The following ASMTL variants were observed in gnomAD, a reference collection of about 807,000 sequenced individuals.
ASMTL encodes the protein acetylserotonin O-methyltransferase like, also known as probable bifunctional dTTP/UTP pyrophosphatase/methyltransferase protein.
ASMTL carries 57 observed loss-of-function variants against 60.3 expected under a neutral mutation model. The observed-to-expected ratio is 0.95, with a 90% CI of 0.76 to 1.18. The LOEUF (loss-of-function observed/expected upper bound fraction) is 1.18, where lower values mean the gene tolerates loss of function less well. Among genes scored for constraint, ASMTL ranks in the 50% most tolerant of loss-of-function variants. The probability of loss-of-function intolerance (pLI) is 0.00; values close to 1 mark genes in which losing one functional copy is unlikely to be tolerated. For synonymous variants in ASMTL, 419 were observed against 373.0 expected (o/e 1.12, Z -1.42); for missense variants, 981 against 852.6 (o/e 1.15, Z -1.88).
chrX:1,407,942 T>G (rs2089927703), intron 12 of ASMTL, among the ~76,000 whole-genome samples: 1 of 151,950 alleles, frequency 6.6e-6, no homozygotes, highest in East Asian at 1.9e-4. Context: ...CAGTGGCTCA[T>G]GTCTTTAACC....
chrX:1,447,251 G>C (rs1183820279), intron 1 of ASMTL, among the ~76,000 whole-genome samples: 1 of 152,192 alleles, frequency 6.6e-6, no homozygotes, highest in African/African-American at 2.4e-5. Context: ...TGGATTCACA[G>C]AGCAGGAGCA....
chrX:1,432,971 A>ATG (rs2090847081), intron 5 of ASMTL, among the ~76,000 whole-genome samples: 1 of 55,092 alleles, frequency 1.8e-5, no homozygotes, highest in Admixed American at 1.8e-4. Context: ...GGTGGCATGC[A>ATG]CCTGTCATCC....
intron 1 of ASMTL, among the ~76,000 whole-genome samples, chrX:1,449,916 C>T (rs1197222490): frequency 6.7e-6 from 1 of 149,934 alleles, no homozygotes; most frequent in Non-Finnish European, 1.5e-5. Context: ...ACTATCCCAC[C>T]ATCACCAGTA....
chrX:1,414,925 C>T (rs1226499369), intron 11 of ASMTL, among the ~76,000 whole-genome samples: 7 of 127,732 alleles, frequency 5.5e-5, no homozygotes, highest in Non-Finnish European at 8.4e-5. Context: ...TACAGCACGT[C>T]AGCTGTCTCT....
At chrX:1,432,037 C>T (rs1236343713) in intron 6 of ASMTL, 7 of 584,864 alleles carry the variant, frequency 1.2e-5, no homozygotes, top group Non-Finnish European at 1.8e-5. Flanking sequence ...CGCAGCCCAG[C>T]GTTGGCTCCC....
intron 12 of ASMTL, 37 bp downstream of exon 12, chrX:1,412,695 C>T (rs780873467): frequency 2.5e-5 from 41 of 1,613,712 alleles, no homozygotes; most frequent in South Asian, 1.5e-4. Flanking sequence ...AATACTACGT[C>T]TTAACAAAAA....
intron 3 of ASMTL, among the ~76,000 whole-genome samples, chrX:1,438,313 A>G (rs1340917689): frequency 6.6e-6 from 1 of 151,982 alleles, no homozygotes; most frequent in African/African-American, 2.4e-5. Flanking sequence ...AAATTTGGCC[A>G]CAGACACCCA....
intron 4 of ASMTL, 192 bp from the exon 5 acceptor site, chrX:1,435,275 A>C: frequency 1.5e-6 from 1 of 679,118 alleles, no homozygotes; most frequent in Non-Finnish European, 2.6e-6. Context: ...AGGGGTCACA[A>C]ATCCCACCAG....
At position 1,430,785 on chromosome X, in the gene ASMTL, A is replaced by C. The variant is rs182487359; in HGVS notation, c.509+1484T>G. Among the ~76,000 whole-genome samples the C allele has an allele frequency of 7.6e-3, 1,117 of 147,402 alleles. 22 individuals are homozygous for C. Among genetic ancestry groups the C allele is most frequent in the African/African-American group, 0.026 (1,049 of 39,724 alleles). On this transcript the variant is annotated intron_variant, in intron 6 of 12. Coordinates refer to ENST00000381317, the MANE Select transcript of ASMTL (RefSeq NM_004192.4). ...AGACCGTGTCTCAAAAAAATAAATA[A>C]AATTATTTATATAAATATATAAAAT...
intron 4 of ASMTL, chrX:1,435,454 C>T (rs1242701045): frequency 8.1e-6 from 5 of 619,744 alleles, no homozygotes. Flanking sequence ...CTCATGACCC[C>T]AACAGTCTGC....
In ASMTL at chrX:1,424,768, A is replaced by G. The variant is rs1483479426; in HGVS notation, c.1060+757T>C. On this transcript the variant is annotated intron_variant, in intron 8 of 12. Transcript: ENST00000381317. ...CATCCATCTATCCACTCACCCACTC[A>G]TCCATCCACCCATCCATCCACTTAC... Among the ~76,000 whole-genome samples, 255 of 151,016 alleles carry G rather than the reference A, an allele frequency of 1.7e-3. 1 individual carries two copies. The highest frequency in any genetic ancestry group is 1.5e-3 in the Non-Finnish European group (102 of 67,748).
At chrX:1,446,383 G>A (rs1238073461) in intron 1 of ASMTL, among the ~76,000 whole-genome samples, 1 of 152,024 alleles carries the variant, frequency 6.6e-6, no homozygotes, top group Non-Finnish European at 1.5e-5. Flanking sequence ...GGTCCCCCGG[G>A]CCCAGCTGCC....
At chrX:1,435,571 C>T (rs1253267972) in intron 4 of ASMTL, 123 bp downstream of exon 4, 2 of 909,128 alleles carry the variant, frequency 2.2e-6, no homozygotes, top group Non-Finnish European at 3.6e-6. Flanking sequence ...ACAGCTCAGA[C>T]AGCACAGCTC....
At chrX:1,412,085 G>T (rs1299299645) in intron 12 of ASMTL, among the ~76,000 whole-genome samples, 21 of 152,090 alleles carry the variant, frequency 1.4e-4, no homozygotes, top group African/African-American at 5.1e-4. Context: ...CCGAAGTGCG[G>T]GGATGACAGG....
At chrX:1,446,265 T>C (rs6645229) in intron 1 of ASMTL, among the ~76,000 whole-genome samples, 1 of 152,098 alleles carries the variant, frequency 6.6e-6, no homozygotes, top group Non-Finnish European at 1.5e-5. Context: ...TTACCTATCA[T>C]TGGAGATGGC....
At chrX:1,432,625 C>T (rs2090828519) in intron 5 of ASMTL, among the ~76,000 whole-genome samples, 1 of 151,960 alleles carries the variant, frequency 6.6e-6, no homozygotes, top group Non-Finnish European at 1.5e-5. Context: ...GTCAGGAGTT[C>T]GAGACCATCC....
rs764521333 is a variant in ASMTL at position 1,435,062 on chromosome X, G to A, written c.360C>T (p.Ser120=). The A allele has an allele frequency of 1.6e-4, 266 of 1,613,796 alleles. No homozygotes were observed. Among genetic ancestry groups the A allele is most frequent in the Non-Finnish European group, 2.1e-4 (247 of 1,179,850 alleles). Residue 120 remains serine, a synonymous_variant, in exon 5 of 13, where the codon AGC becomes AGT. Coordinates refer to ENST00000381317, the MANE Select transcript of ASMTL (RefSeq NM_004192.4). ...MLSRLSGREH[S]VFTGVAIVHC... is the part of the protein sequence containing the mutation. ...GGACGATCGCGACACCTGTGAACAC[G>A]CTGTGTTCTCTCCCACTCAACCTGT...
intron 11 of ASMTL, among the ~76,000 whole-genome samples, chrX:1,417,523 G>GCACA (rs374406800): frequency 0.01 from 1,534 of 149,164 alleles, 20 homozygotes; most frequent in Middle Eastern, 0.054. Flanking sequence ...ACACAGACAT[G>GCACA]CACACACACA....
chrX:1,451,662 C>T (rs1379711244), intron 1 of ASMTL, among the ~76,000 whole-genome samples: 3 of 148,028 alleles, frequency 2.0e-5, no homozygotes, highest in African/African-American at 5.0e-5. Context: ...GGTCACTTGA[C>T]CTCCCCATTC....
Sources: allele counts gnomAD v4.1 joint callset (sites outside exome capture counted in the v4.1 genomes callset), GRCh38; gene constraint gnomAD v4.1.1; transcripts MANE v1.5; gene names NCBI Gene and HGNC (gene_info 2026-07-23, HGNC 2026-07-21).